The following KCNJ5 variants were observed in gnomAD, a reference collection of about 807,000 sequenced individuals.
The protein encoded by KCNJ5 is G protein-activated inward rectifier potassium channel 4.
A neutral mutation model predicts 20.2 loss-of-function variants in KCNJ5; 12 were observed. The observed-to-expected ratio is 0.59, with a 90% CI of 0.38 to 0.96. The LOEUF is 0.96. KCNJ5 is among the 40% of genes least tolerant of loss of function. KCNJ5 has a pLI of 0.00. For missense variants in KCNJ5, 449 were observed against 557.6 expected (o/e 0.81, Z 1.96); for synonymous variants, 210 against 213.9 (o/e 0.98, Z 0.16).
rs1422613944 is a variant in KCNJ5, at chr11:128,911,736, C to T, written c.463C>T (p.Arg155Ter). The part of the protein sequence containing the change: ...ETETTIGYGF[R>*]VITEKCPEGI... ...CGAAACAACCATTGGGTATGGCTTCCGAGTCATCACAGAGAAGTGTCCAGA... is the reference window on the plus strand; with the variant it reads ...CGAAACAACCATTGGGTATGGCTTCTGAGTCATCACAGAGAAGTGTCCAGA... Residue 155 changes from arginine to a stop codon, truncating the protein, a stop_gained, in exon 2 of 3, where the codon CGA becomes TGA. Transcript: ENST00000529694. LOFTEE classifies it high-confidence loss of function. The surrounding 1 kb of genome is among the most constrained non-coding windows in gnomAD (Gnocchi z 6.3). The T allele has an allele frequency of 1.2e-6, 2 of 1,614,104 alleles. No individual in the cohort carries two copies. The highest frequency in any genetic ancestry group is 2.2e-5 in the East Asian group (1 of 44,882).
chr11:128,914,345 C>T (rs1038629020), intron 2 of KCNJ5, among the ~76,000 whole-genome samples: 3 of 152,198 alleles, frequency 2.0e-5, no homozygotes, highest in East Asian at 1.9e-4. Flanking sequence ...CCCGCTGCCC[C>T]GCTGCACCCC....
At chr11:128,904,331 TCA>T (rs879662723) in intron 1 of KCNJ5, 90 of 1,519,938 alleles carry the variant, frequency 5.9e-5, no homozygotes, top group Non-Finnish European at 7.5e-5. Flanking sequence ...GGCCTCTCTC[TCA>T]CTCTCTACTG....
chr11:128,894,990 G>A (rs899418565), intron 1 of KCNJ5, among the ~76,000 whole-genome samples: 2 of 152,178 alleles, frequency 1.3e-5, no homozygotes, highest in Admixed American at 1.3e-4. Flanking sequence ...TGAGGGCAAA[G>A]GTCATGGATC....
chr11:128,898,752 C>T (rs948125559), intron 1 of KCNJ5, among the ~76,000 whole-genome samples: 1 of 152,162 alleles, frequency 6.6e-6, no homozygotes, highest in Admixed American at 6.5e-5. Flanking sequence ...GGCGCAATCT[C>T]GGCTCACTGC....
chr11:128,916,335 T>G, intron 2 of KCNJ5, 74 bp from the exon 3 acceptor site: 1 of 1,100,230 alleles, frequency 9.1e-7, no homozygotes, highest in East Asian at 2.3e-5. Flanking sequence ...GATGGATTGA[T>G]GGATGAATGG....
At chr11:128,915,114 C>T (rs199538986) in intron 2 of KCNJ5, among the ~76,000 whole-genome samples, 27 of 152,242 alleles carry the variant, frequency 1.8e-4, no homozygotes, top group East Asian at 5.8e-4. Context: ...GAGCTGGAGA[C>T]GGTTGCCTTC....
At chr11:128,910,834 T>A (rs191832052) in intron 1 of KCNJ5, among the ~76,000 whole-genome samples, 1 of 152,316 alleles carries the variant, frequency 6.6e-6, no homozygotes, top group African/African-American at 2.4e-5. Flanking sequence ...CAATATAGTA[T>A]TTATATAGTG....
intron 1 of KCNJ5, chr11:128,901,508 G>C (rs1370302161): frequency 2.0e-5 from 3 of 152,278 alleles, no homozygotes; most frequent in African/African-American, 7.2e-5. Context: ...AGAGTGCAAA[G>C]GCCATGGAGA....
At chr11:128,914,299 C>T (rs565722934) in intron 2 of KCNJ5, among the ~76,000 whole-genome samples, 1 of 152,366 alleles carries the variant, frequency 6.6e-6, no homozygotes, top group East Asian at 1.9e-4. Flanking sequence ...GGAGAGCGCC[C>T]ACAGGCTCGT....
chr11:128,916,299 T>C, intron 2 of KCNJ5, 110 bp from the exon 3 acceptor site: 1 of 830,778 alleles, frequency 1.2e-6, no homozygotes, highest in Non-Finnish European at 2.0e-6. Context: ...ACTGGATGGA[T>C]GGATGGATGG....
rs146327525 is a variant in KCNJ5, at chr11:128,902,303, C to T, written c.-10-8961C>T. ...CCACCTGATCCGCCCTCCTGTCCCT[C>T]CAGCCCTCCTCTGGAAGGACTCAGC... On this transcript the variant is annotated intron_variant, in intron 1 of 2. Coordinates refer to ENST00000529694, the MANE Select transcript of KCNJ5 (RefSeq NM_000890.5). 1.7e-3 allele frequency: 952 copies of T among 562,574 alleles called. 7 individuals are homozygous for T. Among genetic ancestry groups the T allele is most frequent in the African/African-American group, 0.016 (871 of 53,112 alleles). 34.8% of individuals were successfully genotyped at this position (562,574 alleles called of 1,614,324 possible).
intron 1 of KCNJ5, chr11:128,904,508 G>T (rs1007967010): frequency 1.3e-6 from 2 of 1,544,578 alleles, no homozygotes; most frequent in Admixed American, 3.3e-5. Flanking sequence ...GGCAGCGTGC[G>T]TCCAGGGCGG....
At chr11:128,912,530 A>G (rs1337385782) in intron 2 of KCNJ5, among the ~76,000 whole-genome samples, 1 of 145,294 alleles carries the variant, frequency 6.9e-6, no homozygotes, top group Non-Finnish European at 1.5e-5. Context: ...TTTATTTTTG[A>G]GGCAGGGTCT....
intron 1 of KCNJ5, among the ~76,000 whole-genome samples, chr11:128,894,850 G>A (rs925910340): frequency 1.3e-5 from 2 of 152,236 alleles, no homozygotes; most frequent in Admixed American, 6.5e-5. Flanking sequence ...CAGGGCCCAG[G>A]ATGGCGGGAA....
At chr11:128,903,496 A>G (rs764927459) in intron 1 of KCNJ5, 1 of 1,614,154 alleles carries the variant, frequency 6.2e-7, no homozygotes, top group South Asian at 1.1e-5. Context: ...CTCACTCCTG[A>G]CAGAGGCAGA....
chr11:128,904,179 A>G (rs1012105355), intron 1 of KCNJ5, among the ~76,000 whole-genome samples: 1 of 152,160 alleles, frequency 6.6e-6, no homozygotes, highest in East Asian at 1.9e-4. Context: ...TCCATGCTGG[A>G]GCTATTATTA....
At chr11:128,913,572 C>CTA (rs1212191694) in intron 2 of KCNJ5, among the ~76,000 whole-genome samples, 7 of 73,588 alleles carry the variant, frequency 9.5e-5, no homozygotes, top group Admixed American at 4.1e-4. Context: ...CTTCCTTTCT[C>CTA]TCTCTCTCTC....
At chr11:128,900,860 A>G (rs1052813665) in intron 1 of KCNJ5, 10 of 152,240 alleles carry the variant, frequency 6.6e-5, no homozygotes, top group African/African-American at 2.4e-4. Flanking sequence ...ATTCCATGAT[A>G]ATAATTCCAC....
Position 128,917,691 on chromosome 11 carries a change from G to A in KCNJ5, c.*960G>A, listed in dbSNP as rs186315097. ...ACCTGGGGAGAAAGTTGAGTGTCAG[G>A]GGACATGATGAGCCAGTTGGCCCTG... On this transcript the variant is annotated 3_prime_UTR_variant, in exon 3 of 3. Coordinates refer to ENST00000529694, the MANE Select transcript of KCNJ5 (RefSeq NM_000890.5). The A allele has an allele frequency of 6.6e-6, 1 of 152,284 alleles. No homozygotes were observed. Among genetic ancestry groups the A allele is most frequent in the Non-Finnish European group, 1.5e-5 (1 of 68,122 alleles). 9.4% of individuals were successfully genotyped at this position (152,284 alleles called of 1,614,324 possible).
Sources: allele counts gnomAD v4.1 joint callset (sites outside exome capture counted in the v4.1 genomes callset), GRCh38; gene constraint gnomAD v4.1.1; non-coding constraint Gnocchi (gnomAD v3.1); transcripts MANE v1.5; gene names NCBI Gene and HGNC (gene_info 2026-07-23, HGNC 2026-07-21).